Variants in ATP6V1D observed in about 807,000 individuals in gnomAD.
The protein encoded by ATP6V1D is V-type proton ATPase subunit D.
ATP6V1D carries 20 observed loss-of-function variants against 39.4 expected under a neutral mutation model. The ratio of observed to expected loss-of-function variants is 0.51; its 90% CI spans 0.36 to 0.74. The LOEUF is 0.74. Ranked by LOEUF, ATP6V1D falls within the 30% of genes least tolerant of loss-of-function variation. The probability of loss-of-function intolerance (pLI) is 0.00; values close to 1 mark genes in which losing one functional copy is unlikely to be tolerated. For synonymous variants in ATP6V1D, 100 were observed against 100.5 expected, an observed-to-expected ratio of 0.99 and a Z score of 0.03; for missense variants, 228 against 291.6, an observed-to-expected ratio of 0.78 and a Z score of 1.59.
At chr14:67,343,602 C>T (rs1300254140) in intron 6 of ATP6V1D, among the ~76,000 whole-genome samples, 164 bp from the exon 7 acceptor site, 6 of 152,248 alleles carry the variant, frequency 3.9e-5, no homozygotes, top group South Asian at 2.1e-4. Context: ...GCATGGCTCA[C>T]GCCTATAACC....
chr14:67,343,792 G>A (rs990677327), intron 6 of ATP6V1D, among the ~76,000 whole-genome samples: 1 of 152,192 alleles, frequency 6.6e-6, no homozygotes, highest in African/African-American at 2.4e-5. Flanking sequence ...ATCGTTTGAG[G>A]CTGCAGTGAG....
intron 3 of ATP6V1D, 60 bp downstream of exon 3, chr14:67,350,551 G>T: frequency 7.0e-7 from 1 of 1,428,628 alleles, no homozygotes; most frequent in Non-Finnish European, 9.7e-7. Flanking sequence ...CTTTTTAAAT[G>T]AAATTATGAG....
chr14:67,349,056 C>T lies in ATP6V1D; in HGVS notation c.288G>A (p.Ala96=), dbSNP rs765259725. The T allele has an allele frequency of 5.0e-6, 8 of 1,614,016 alleles. No homozygotes were observed. In the Admixed American group the frequency reaches 5.0e-5, roughly 10 times the overall value. The change falls in exon 4 of 9, where the codon GCG becomes GCA. Residue 96 remains alanine, a synonymous_variant. Coordinates refer to ENST00000216442, the MANE Select transcript of ATP6V1D (RefSeq NM_015994.4). ...CGTTACCTGCTACATTATCTTTCTT[C>T]GCTCGAATCTTCACTTGCGCTTTAT... ...NVNKAQVKIR[A]KKDNVAGVTL...
intron 5 of ATP6V1D, 85 bp from the exon 6 acceptor site, chr14:67,345,956 A>T: frequency 1.2e-6 from 1 of 823,434 alleles, no homozygotes; most frequent in Non-Finnish European, 2.0e-6. Context: ...ATTCAGAATA[A>T]TAACAAATAT....
intron 7 of ATP6V1D, 53 bp from the exon 8 acceptor site, chr14:67,340,571 A>G: frequency 7.1e-7 from 1 of 1,404,856 alleles, no homozygotes; most frequent in Non-Finnish European, 1.0e-6. Flanking sequence ...CCTTTTTTCA[A>G]ATTATCAGTG....
chr14:67,352,832 T>A, intron 2 of ATP6V1D, 91 bp downstream of exon 2: 3 of 757,540 alleles, frequency 4.0e-6, no homozygotes, highest in Non-Finnish European at 6.0e-6. Context: ...AGAAAAAAAT[T>A]AATTAAAATA....
intron 7 of ATP6V1D, 112 bp downstream of exon 7, chr14:67,343,259 GA>G: frequency 8.0e-6 from 6 of 751,268 alleles, no homozygotes; most frequent in Non-Finnish European, 1.3e-5. Context: ...GTGGGCAAGG[GA>G]AGCATCTTAT....
intron 7 of ATP6V1D, among the ~76,000 whole-genome samples, chr14:67,341,042 C>A (rs377455328): frequency 6.6e-6 from 1 of 152,154 alleles, no homozygotes; most frequent in Non-Finnish European, 1.5e-5. Context: ...ACCTCCCAGC[C>A]GCCTGCCTTG....
At chr14:67,349,562 C>T (rs530538946) in intron 3 of ATP6V1D, among the ~76,000 whole-genome samples, 55 of 152,208 alleles carry the variant, frequency 3.6e-4, no homozygotes, top group African/African-American at 1.2e-3. Flanking sequence ...TGGCAGGGTG[C>T]GATAGCTCAC....
At position 67,352,999 on chromosome 14, in the gene ATP6V1D, G is replaced by A; in HGVS notation, c.83C>T (p.Thr28Ile). The A allele has an allele frequency of 6.2e-7, 1 of 1,614,062 alleles. No individual in the cohort carries two copies. The change falls in exon 2 of 9, where the codon ACA becomes ATA. Residue 28 changes from threonine to isoleucine, a missense_variant. This residue lies in a region of ATP6V1D where 104 missense variants were observed against 120.2 expected (regional missense o/e 0.87). Transcript: ENST00000216442. ...TTTTTTCTTCAGGAGGTTTCGACCT[G>A]TCTGTGCTCCCTTTAAACGAGCCTT... is the stretch of plus-strand genomic sequence containing the variant. ...IMKARLKGAQ[T>I]GRNLLKKKSD...
At chr14:67,348,063 C>T (rs972032657) in intron 4 of ATP6V1D, among the ~76,000 whole-genome samples, 1 of 151,812 alleles carries the variant, frequency 6.6e-6, no homozygotes, top group Admixed American at 6.6e-5. Context: ...CAGGCACATG[C>T]CATGCCCAGC....
At chr14:67,348,270 C>A (rs1360073518) in intron 4 of ATP6V1D, among the ~76,000 whole-genome samples, 1 of 151,854 alleles carries the variant, frequency 6.6e-6, no homozygotes, top group African/African-American at 2.4e-5. Flanking sequence ...GACAGGATTT[C>A]TCCATATTAG....
rs2085715661 is a variant in ATP6V1D, at chr14:67,359,700, C to G, written c.-2G>C. 1 of 1,613,892 alleles carries G rather than the reference C, an allele frequency of 6.2e-7. No individual in the cohort carries two copies. Among genetic ancestry groups the G allele is most frequent in the Non-Finnish European group, 8.5e-7 (1 of 1,180,010 alleles). On this transcript the variant is annotated 5_prime_UTR_variant, in exon 1 of 9. Coordinates refer to ENST00000216442, the MANE Select transcript of ATP6V1D (RefSeq NM_015994.4). The stretch of plus-strand genomic sequence containing the variant: ...TTCAATTCGGTCTTTGCCCGACATT[C>G]TGACGATAACTTTTCGGCTCGGGTC...
intron 4 of ATP6V1D, 85 bp downstream of exon 4, chr14:67,348,952 A>T (rs1375354450): frequency 2.3e-6 from 3 of 1,282,006 alleles, no homozygotes; most frequent in Non-Finnish European, 3.3e-6. Context: ...AAACTAGGAC[A>T]TTAAGATCTT....
chr14:67,355,061 C>A (rs1165920780), intron 1 of ATP6V1D, among the ~76,000 whole-genome samples: 1 of 152,108 alleles, frequency 6.6e-6, no homozygotes, highest in Non-Finnish European at 1.5e-5. Context: ...ATCCGCCCAC[C>A]TCGGCCTCAC....
chr14:67,350,991 A>G (rs1397156269), intron 2 of ATP6V1D, among the ~76,000 whole-genome samples: 1 of 152,204 alleles, frequency 6.6e-6, no homozygotes, highest in African/African-American at 2.4e-5. Context: ...TACTCAAACT[A>G]ATCTCTTAAA....
intron 2 of ATP6V1D, 102 bp downstream of exon 2, chr14:67,352,821 A>T: frequency 1.3e-6 from 1 of 752,004 alleles, no homozygotes; most frequent in Non-Finnish European, 2.1e-6. Context: ...TTACTTTTGA[A>T]AGAAAAAAAT....
intron 7 of ATP6V1D, 55 bp downstream of exon 7, chr14:67,343,317 G>A (rs991405751): frequency 1.5e-5 from 20 of 1,367,244 alleles, no homozygotes; most frequent in East Asian, 1.2e-4. Flanking sequence ...GCAGTTTCAC[G>A]ACAAGTGGAG....
chr14:67,353,787 G>C (rs947897724), intron 1 of ATP6V1D: 2 of 152,178 alleles, frequency 1.3e-5, no homozygotes, highest in East Asian at 3.9e-4. Context: ...CACCATGCCC[G>C]GCCCGACTCC....
Sources: gnomAD v4.1 joint callset for allele counts (sites outside exome capture counted in the v4.1 genomes callset) on GRCh38, gnomAD v4.1.1 for gene constraint, gnomAD v4.1.1 regional missense constraint, MANE v1.5 for transcripts, NCBI Gene and HGNC (gene_info 2026-07-23, HGNC 2026-07-21) for gene names.